Variants in MCC observed in about 807,000 individuals in gnomAD.
MCC encodes the protein colorectal mutant cancer protein.
A neutral mutation model predicts 116.2 loss-of-function variants in MCC; 90 were observed. The observed-to-expected ratio is 0.77, with a 90% CI of 0.65 to 0.92. The LOEUF is 0.92. MCC is among the 40% of genes least tolerant of loss of function. The pLI, the probability that MCC is intolerant of heterozygous loss-of-function variation, is 0.00. For synonymous variants in MCC, 578 were observed against 510.5 expected, an observed-to-expected ratio of 1.13 and a Z score of -1.78; for missense variants, 1,516 against 1,312.2, an observed-to-expected ratio of 1.16 and a Z score of -2.40.
At chr5:113,391,293 G>T (rs1410303937) in intron 1 of MCC, among the ~76,000 whole-genome samples, 7 of 152,152 alleles carry the variant, frequency 4.6e-5, no homozygotes, top group African/African-American at 1.7e-4. Flanking sequence ...CTGCTGGGTG[G>T]TACTAAAACG....
intron 5 of MCC, 117 bp from the exon 6 acceptor site, chr5:113,122,943 G>C: frequency 9.6e-7 from 1 of 1,042,696 alleles, no homozygotes; most frequent in Non-Finnish European, 1.4e-6. Context: ...TTCTCCCCCA[G>C]GCCACAGGGA....
intron 6 of MCC, chr5:113,104,595 G>T: frequency 2.7e-6 from 1 of 373,538 alleles, no homozygotes; most frequent in Non-Finnish European, 4.8e-6. Context: ...TTCACTCAAA[G>T]CAGCCACATC....
chr5:113,175,538 C>G (rs1761288798), intron 3 of MCC, among the ~76,000 whole-genome samples: 1 of 152,040 alleles, frequency 6.6e-6, no homozygotes, highest in South Asian at 2.1e-4. Context: ...GTTCAATTAG[C>G]CACTCAAACT....
intron 2 of MCC, among the ~76,000 whole-genome samples, chr5:113,366,728 T>G (rs1009040535): frequency 1.3e-5 from 2 of 152,136 alleles, no homozygotes; most frequent in Non-Finnish European, 2.9e-5. Context: ...ACATCTTTAC[T>G]CTTTTGCTGG....
At chr5:113,309,769 A>G (rs1767092124) in intron 3 of MCC, among the ~76,000 whole-genome samples, 1 of 152,142 alleles carries the variant, frequency 6.6e-6, no homozygotes, top group Non-Finnish European at 1.5e-5. Context: ...GCTGTATCAA[A>G]TGGTCTGTTA....
intron 3 of MCC, among the ~76,000 whole-genome samples, chr5:113,200,270 C>G (rs1762618298): frequency 6.6e-6 from 1 of 152,100 alleles, no homozygotes; most frequent in Admixed American, 6.5e-5. Flanking sequence ...TAGTAAACAT[C>G]ATGAATTTGA....
At chr5:113,382,134 A>G (rs1348830036) in intron 2 of MCC, among the ~76,000 whole-genome samples, 1 of 152,176 alleles carries the variant, frequency 6.6e-6, no homozygotes, top group Admixed American at 6.5e-5. Flanking sequence ...ATGGGGACAC[A>G]AAGTCAAGAG....
At chr5:113,094,950 C>A (rs1755916773) in intron 8 of MCC, among the ~76,000 whole-genome samples, 1 of 152,140 alleles carries the variant, frequency 6.6e-6, no homozygotes, top group African/African-American at 2.4e-5. Flanking sequence ...GTCAAAGAAC[C>A]AGGGTTCTGG....
chr5:113,344,588 A>C (rs946899511), intron 2 of MCC, among the ~76,000 whole-genome samples: 17 of 151,788 alleles, frequency 1.1e-4, no homozygotes, highest in African/African-American at 4.1e-4. Context: ...TGCATCTTGG[A>C]AACCAGCTCA....
chr5:113,044,410 T>C (rs926322834), intron 16 of MCC: 1 of 804,776 alleles, frequency 1.2e-6, no homozygotes, highest in Non-Finnish European at 1.5e-6. Flanking sequence ...GCCTGAGTGC[T>C]CTACATTCCA....
chr5:113,109,938 G>A (rs1466774439), intron 6 of MCC, among the ~76,000 whole-genome samples: 2 of 152,240 alleles, frequency 1.3e-5, no homozygotes, highest in South Asian at 2.1e-4. Flanking sequence ...CAGGCCCACT[G>A]GCTTTCTCCC....
chr5:113,423,807 C>T (rs1441174472), intron 1 of MCC, among the ~76,000 whole-genome samples: 1 of 152,122 alleles, frequency 6.6e-6, no homozygotes, highest in Non-Finnish European at 1.5e-5. Flanking sequence ...AATTTATTTT[C>T]TATAGTGGCT....
rs1310872058 is a variant in MCC, at chr5:113,022,884, G to T, written c.*4418C>A. 6.6e-6 allele frequency: 1 copy of T among 152,082 alleles called. No individual in the cohort carries two copies. Among genetic ancestry groups the T allele is most frequent in the Non-Finnish European group, 1.5e-5 (1 of 68,020 alleles). 9.4% of individuals were successfully genotyped at this position (152,082 alleles called of 1,614,324 possible). On this transcript the variant is annotated 3_prime_UTR_variant, in exon 19 of 19. Coordinates refer to ENST00000408903, the MANE Select transcript of MCC (RefSeq NM_001085377.2). Reference sequence around the variant, plus strand: ...GGGACTGAATGATTTCTTCCTCTTGGTCACATGCAAAATCTCACCCAGATG... The same window carrying T: ...GGGACTGAATGATTTCTTCCTCTTGTTCACATGCAAAATCTCACCCAGATG...
intron 5 of MCC, among the ~76,000 whole-genome samples, chr5:113,137,448 A>G (rs1758908235): frequency 6.6e-6 from 1 of 152,178 alleles, no homozygotes; most frequent in Non-Finnish European, 1.5e-5. Flanking sequence ...ATCTACTGAA[A>G]TCATCATGTT....
chr5:113,409,080 G>C (rs1471948478), intron 1 of MCC, among the ~76,000 whole-genome samples: 1 of 152,156 alleles, frequency 6.6e-6, no homozygotes, highest in East Asian at 1.9e-4. Flanking sequence ...GGTGCCTTTA[G>C]GCTGGAATAG....
chr5:113,329,820 G>T (rs1221954937), intron 3 of MCC, among the ~76,000 whole-genome samples: 1 of 152,088 alleles, frequency 6.6e-6, no homozygotes, highest in Non-Finnish European at 1.5e-5. Flanking sequence ...AGTGTATATA[G>T]ATCAGCTTAG....
chr5:113,294,068 G>C (rs565060429), intron 3 of MCC, among the ~76,000 whole-genome samples: 1 of 152,192 alleles, frequency 6.6e-6, no homozygotes, highest in African/African-American at 2.4e-5. Flanking sequence ...TGAGTAAAAC[G>C]CCTCGCGGCT....
At position 113,072,370 on chromosome 5, in the gene MCC, C is replaced by T. The variant is rs559269672; in HGVS notation, c.1785-1136G>A. Among the ~76,000 whole-genome samples, 3 of 152,304 alleles carry T rather than the reference C, an allele frequency of 2.0e-5. No homozygotes were observed. The East Asian group carries it at 5.8e-4, about 29-fold the overall frequency. ...TTCAAGGTAAGGTGCCACAAGAATG[C>T]TTTTCTGCCCCTGTTCACATTAAGA... On this transcript the variant is annotated intron_variant, in intron 11 of 18. Coordinates refer to ENST00000408903, the MANE Select transcript of MCC (RefSeq NM_001085377.2).
chr5:113,138,330 T>G (rs76512246), intron 5 of MCC, among the ~76,000 whole-genome samples: 11,316 of 152,276 alleles, frequency 0.074, 545 homozygotes, highest in East Asian at 0.12. Context: ...ATTCTTATGT[T>G]GAAGCCTTAA....
Sources: gnomAD v4.1 joint callset for allele counts (sites outside exome capture counted in the v4.1 genomes callset) on GRCh38, gnomAD v4.1.1 for gene constraint, MANE v1.5 for transcripts, NCBI Gene and HGNC (gene_info 2026-07-23, HGNC 2026-07-21) for gene names.